The following ATP11B variants were observed in gnomAD, a reference collection of about 807,000 sequenced individuals.
ATP11B encodes ATPase phospholipid transporting 11B (putative), also known as phospholipid-transporting ATPase IF.
Under a neutral mutation model 157.8 loss-of-function variants are expected in ATP11B, and 81 were observed. That is an observed-to-expected ratio of 0.51 (90% CI 0.43 to 0.62). The LOEUF (loss-of-function observed/expected upper bound fraction) is 0.62. Among genes scored for constraint, ATP11B ranks in the 20% least tolerant of loss-of-function variants. The pLI is 0.00. For missense variants in ATP11B, 1,165 were observed against 1,402.2 expected (o/e 0.83, Z 2.70); for synonymous variants, 451 against 469.4 (o/e 0.96, Z 0.51).
chr3:182,875,660 C>G (rs147655836), intron 19 of ATP11B, among the ~76,000 whole-genome samples: 1 of 152,158 alleles, frequency 6.6e-6, no homozygotes, highest in East Asian at 1.9e-4. Flanking sequence ...AGGCTGGTCT[C>G]GAACACCTGA....
chr3:182,887,188 G>T (rs1722854097), intron 23 of ATP11B, among the ~76,000 whole-genome samples: 1 of 152,166 alleles, frequency 6.6e-6, no homozygotes, highest in South Asian at 2.1e-4. Flanking sequence ...GAAGTGTAGT[G>T]TGTAGACAGG....
chr3:182,878,315 ACTT>A (rs1238947347), intron 19 of ATP11B, among the ~76,000 whole-genome samples: 8 of 152,172 alleles, frequency 5.3e-5, no homozygotes, highest in African/African-American at 1.7e-4. Context: ...TAGTCTTCTC[ACTT>A]CTTATTTTTA....
At chr3:182,838,161 T>C (rs878856904) in intron 7 of ATP11B, among the ~76,000 whole-genome samples, 1 of 152,080 alleles carries the variant, frequency 6.6e-6, no homozygotes, top group Admixed American at 6.6e-5. Flanking sequence ...AATTGTATAC[T>C]TTCATCAAAG....
chr3:182,868,345 C>A (rs1721399762), intron 15 of ATP11B, among the ~76,000 whole-genome samples: 2 of 148,622 alleles, frequency 1.3e-5, no homozygotes, highest in African/African-American at 5.0e-5. Context: ...CTTTTCCATA[C>A]TAGATAGGGC....
chr3:182,871,109 G>A (rs779972953), intron 17 of ATP11B, among the ~76,000 whole-genome samples: 4 of 151,972 alleles, frequency 2.6e-5, no homozygotes, highest in African/African-American at 7.3e-5. Flanking sequence ...GACCAGCCTG[G>A]GCAATGTAGC....
Position 182,848,531 on chromosome 3 carries a change from A to G in ATP11B, c.825A>G (p.Lys275=), listed in dbSNP as rs1719715149. The G allele has an allele frequency of 1.9e-6, 3 of 1,572,152 alleles. No individual in the cohort carries two copies. The highest frequency in any genetic ancestry group is 2.6e-6 in the Non-Finnish European group (3 of 1,158,256). The part of the protein sequence containing the change: ...ETKMALNYKS[K]SQKRSAVEKS... ...AGATGGCATTAAATTACAAGAGCAA[A>G]TCACAGAAACGATCTGCAGTAGAAA... Residue 275 remains lysine (K), a synonymous_variant, in exon 10 of 30, where the codon AAA becomes AAG. Transcript: ENST00000323116.
rs1560145177 is a variant in ATP11B at position 182,921,594 on chromosome 3, A to T, written c.*3490A>T. The T allele has an allele frequency of 6.6e-6, 1 of 152,196 alleles. No individual in the cohort carries two copies. Among genetic ancestry groups the T allele is most frequent in the Non-Finnish European group, 1.5e-5 (1 of 68,036 alleles). 9.4% of individuals were successfully genotyped at this position (152,196 alleles called of 1,614,324 possible). A position where few individuals can be genotyped will look rare whatever the true frequency, so the allele number is the denominator to read the frequency against. ...TACTCATAATTTTTTAAAGTTTATGAAGTTATATTTATCAAATAAAAACTT... is the reference window on the plus strand; with the variant it reads ...TACTCATAATTTTTTAAAGTTTATGTAGTTATATTTATCAAATAAAAACTT... On this transcript the variant is annotated 3_prime_UTR_variant, in exon 30 of 30. Coordinates refer to ENST00000323116, the MANE Select transcript of ATP11B (RefSeq NM_014616.3).
intron 4 of ATP11B, among the ~76,000 whole-genome samples, chr3:182,832,113 TTGG>T (rs1470414228): frequency 4.6e-5 from 7 of 152,196 alleles, no homozygotes; most frequent in African/African-American, 7.2e-5. Context: ...TGAAAAAAAG[TTGG>T]TGAATTTTTA....
chr3:182,892,555 G>A (rs1199254846), intron 25 of ATP11B, among the ~76,000 whole-genome samples: 1 of 152,102 alleles, frequency 6.6e-6, no homozygotes, highest in Non-Finnish European at 1.5e-5. Flanking sequence ...ACAATTCAGG[G>A]AAAGTTAAGA....
At chr3:182,808,365 G>T (rs576478623) in intron 1 of ATP11B, among the ~76,000 whole-genome samples, 1 of 152,270 alleles carries the variant, frequency 6.6e-6, no homozygotes, top group South Asian at 2.1e-4. Flanking sequence ...CTCATACCTT[G>T]TGGATCCAAA....
chr3:182,900,437 T>C (rs1172855348), intron 28 of ATP11B, among the ~76,000 whole-genome samples: 2 of 152,234 alleles, frequency 1.3e-5, no homozygotes, highest in African/African-American at 2.4e-5. Context: ...AATGTTGCTC[T>C]GTTATACTGA....
intron 29 of ATP11B, chr3:182,915,813 A>G (rs1725103654): frequency 1.0e-6 from 1 of 978,446 alleles, no homozygotes; most frequent in Non-Finnish European, 1.2e-6. Context: ...GAAGGTAGCT[A>G]TTATCATCTA....
intron 2 of ATP11B, among the ~76,000 whole-genome samples, chr3:182,821,996 A>G (rs1355856234): frequency 6.6e-6 from 1 of 152,178 alleles, no homozygotes; most frequent in Non-Finnish European, 1.5e-5. Flanking sequence ...TTATGTGTAT[A>G]ACATACCCTT....
intron 7 of ATP11B, among the ~76,000 whole-genome samples, chr3:182,838,546 T>C (rs1423124577): frequency 6.6e-6 from 1 of 152,084 alleles, no homozygotes; most frequent in Non-Finnish European, 1.5e-5. Context: ...CAACAGGCTT[T>C]TATAGTAGAA....
intron 4 of ATP11B, 55 bp downstream of exon 4, chr3:182,829,807 A>T: frequency 6.9e-7 from 1 of 1,455,284 alleles, no homozygotes; most frequent in African/African-American, 1.4e-5. Context: ...AAGTTGCTAA[A>T]TATTTCCACT....
At chr3:182,818,154 G>T (rs1033549463) in intron 1 of ATP11B, among the ~76,000 whole-genome samples, 1 of 152,258 alleles carries the variant, frequency 6.6e-6, no homozygotes, top group East Asian at 1.9e-4. Flanking sequence ...CTAGTGTTTG[G>T]GGGGAGATGT....
chr3:182,839,995 T>C (rs1412055697), intron 7 of ATP11B, among the ~76,000 whole-genome samples: 2 of 152,196 alleles, frequency 1.3e-5, no homozygotes, highest in Non-Finnish European at 2.9e-5. Context: ...CTTGACCTTT[T>C]TTTAAATATT....
chr3:182,869,343 T>C lies in ATP11B; in HGVS notation c.1866+12T>C. The C allele has an allele frequency of 6.9e-7, 1 of 1,451,338 alleles. No homozygotes were observed. The highest frequency in any genetic ancestry group is 9.5e-7 in the Non-Finnish European group (1 of 1,057,824). 89.9% of individuals were successfully genotyped at this position (1,451,338 alleles called of 1,614,324 possible). ...ATGAATTTGCTTTGGTGAGTGCAAA[T>C]TTCTATGATTTAAAAAACTCTAAAA... On this transcript the variant is annotated intron_variant, in intron 17 of 29. Coordinates refer to ENST00000323116, the MANE Select transcript of ATP11B (RefSeq NM_014616.3).
At chr3:182,913,424 A>G (rs1353999725) in intron 28 of ATP11B, among the ~76,000 whole-genome samples, 1 of 152,136 alleles carries the variant, frequency 6.6e-6, no homozygotes, top group African/African-American at 2.4e-5. Flanking sequence ...TTCATACTCC[A>G]CTTATCTCAA....
Sources: gnomAD v4.1 joint callset for allele counts (sites outside exome capture counted in the v4.1 genomes callset) on GRCh38, gnomAD v4.1.1 for gene constraint, MANE v1.5 for transcripts, NCBI Gene and HGNC (gene_info 2026-07-23, HGNC 2026-07-21) for gene names.